KIAA1328: variants seen among roughly 807,000 people sequenced by gnomAD.
The protein encoded by KIAA1328 is protein hinderin.
Under a neutral mutation model 68.1 loss-of-function variants are expected in KIAA1328, and 52 were observed. That is an observed-to-expected ratio of 0.76 (90% CI 0.61 to 0.96). The LOEUF is 0.96. KIAA1328 is among the 40% of genes least tolerant of loss of function. The pLI, the probability that KIAA1328 is intolerant of heterozygous loss-of-function variation, is 0.00. For synonymous variants in KIAA1328, 232 were observed against 239.4 expected, an observed-to-expected ratio of 0.97 and a Z score of 0.28; for missense variants, 641 against 677.6, an observed-to-expected ratio of 0.95 and a Z score of 0.60.
At chr18:36,838,901 A>C (rs1311880021) in intron 3 of KIAA1328, among the ~76,000 whole-genome samples, 1 of 151,986 alleles carries the variant, frequency 6.6e-6, no homozygotes, top group Admixed American at 6.6e-5. Context: ...CACCCGGCTA[A>C]TTTTTGTATT....
At chr18:37,021,818 C>T (rs1201463682) in intron 6 of KIAA1328, among the ~76,000 whole-genome samples, 2 of 151,948 alleles carry the variant, frequency 1.3e-5, no homozygotes, top group Non-Finnish European at 1.5e-5. Flanking sequence ...GCAGATGGAT[C>T]ACGAGGTCAG....
At chr18:37,176,567 T>A (rs17652935) in intron 9 of KIAA1328, among the ~76,000 whole-genome samples, 20,740 of 152,170 alleles carry the variant, frequency 0.14, 1,763 homozygotes, top group Admixed American at 0.18. Context: ...CACAAGAGGG[T>A]GGTGAAGCTG....
chr18:37,090,084 T>A (rs1169010973), intron 7 of KIAA1328, among the ~76,000 whole-genome samples: 2 of 152,196 alleles, frequency 1.3e-5, no homozygotes. Context: ...CTGGGATTCT[T>A]CCCACAGACA....
At chr18:36,878,418 C>T (rs1180582201) in intron 4 of KIAA1328, among the ~76,000 whole-genome samples, 2 of 152,084 alleles carry the variant, frequency 1.3e-5, no homozygotes, top group Non-Finnish European at 2.9e-5. Flanking sequence ...GTGGGTAACC[C>T]GACCTTTCTC....
intron 5 of KIAA1328, among the ~76,000 whole-genome samples, chr18:36,913,479 TAC>T (rs10582262): frequency 0.12 from 10,494 of 91,236 alleles, 714 homozygotes; most frequent in African/African-American, 0.23. Context: ...ATTACAACCT[TAC>T]ACACACACAC....
chr18:37,196,023 T>C (rs914398411), intron 9 of KIAA1328, among the ~76,000 whole-genome samples: 1 of 152,120 alleles, frequency 6.6e-6, no homozygotes, highest in African/African-American at 2.4e-5. Flanking sequence ...CTTTTTTTGG[T>C]TAAATTTATT....
chr18:36,930,424 T>C (rs2050269696), intron 5 of KIAA1328, among the ~76,000 whole-genome samples: 1 of 152,146 alleles, frequency 6.6e-6, no homozygotes, highest in African/African-American at 2.4e-5. Flanking sequence ...GGAAGCAACA[T>C]TCTTTTGAGA....
At chr18:37,228,477 A>G (rs2060650465), downstream of KIAA1328, among the ~76,000 whole-genome samples, 1 of 152,178 alleles carries the variant, frequency 6.6e-6, no homozygotes, top group South Asian at 2.1e-4. Flanking sequence ...CACACTGATC[A>G]GTCAGTAGCC....
chr18:36,968,690 A>G (rs2052044726), intron 6 of KIAA1328, among the ~76,000 whole-genome samples: 1 of 152,194 alleles, frequency 6.6e-6, no homozygotes, highest in African/African-American at 2.4e-5. Flanking sequence ...TAATAGTGAG[A>G]TATTTCAACA....
At chr18:37,010,177 G>A (rs1047767755) in intron 6 of KIAA1328, among the ~76,000 whole-genome samples, 2 of 152,012 alleles carry the variant, frequency 1.3e-5, no homozygotes, top group Admixed American at 6.6e-5. Context: ...GGGCACAATG[G>A]CTCACCCCTG....
Position 37,224,273 on chromosome 18 carries a change from T to G in KIAA1328, c.*2046T>G. 4 of 985,442 alleles carry G rather than the reference T, an allele frequency of 4.1e-6. No homozygotes were observed. Among genetic ancestry groups the G allele is most frequent in the Non-Finnish European group, 4.8e-6 (4 of 829,932 alleles). 61.0% of individuals were successfully genotyped at this position (985,442 alleles called of 1,614,324 possible). A position where few individuals can be genotyped will look rare whatever the true frequency, so the allele number is the denominator to read the frequency against. ...GATCAAGAAAAGGATCACAGTTTCT[T>G]GAAGAAGCTTGTTTGCCTTTAGAAG... On this transcript the variant is annotated 3_prime_UTR_variant, in exon 10 of 10. Coordinates refer to ENST00000280020, the MANE Select transcript of KIAA1328 (RefSeq NM_020776.3).
chr18:37,028,500 C>T (rs1364718130), intron 6 of KIAA1328, among the ~76,000 whole-genome samples: 1 of 149,952 alleles, frequency 6.7e-6, no homozygotes, highest in Non-Finnish European at 1.5e-5. Context: ...TCCTCTCTTC[C>T]TGGTTAGATG....
intron 6 of KIAA1328, among the ~76,000 whole-genome samples, chr18:36,995,125 A>G (rs2053338483): frequency 6.6e-6 from 1 of 152,054 alleles, no homozygotes; most frequent in African/African-American, 2.4e-5. Flanking sequence ...ACCCGCTGAC[A>G]GGCCCCGGTG....
At chr18:37,032,640 G>GGTTT (rs773716346) in intron 6 of KIAA1328, among the ~76,000 whole-genome samples, 148 of 150,734 alleles carry the variant, frequency 9.8e-4, no homozygotes, top group Non-Finnish European at 1.6e-3. Context: ...TGGCTTTCAT[G>GGTTT]ATTTGTTTGT....
At chr18:36,838,341 A>G (rs899466889) in intron 3 of KIAA1328, among the ~76,000 whole-genome samples, 1 of 152,222 alleles carries the variant, frequency 6.6e-6, no homozygotes, top group Non-Finnish European at 1.5e-5. Context: ...AATTTTACAA[A>G]TGCAACAGAA....
chr18:37,164,071 ATTCTCTAAAATGGAAAGAAATT>A (rs1401916609), intron 8 of KIAA1328, among the ~76,000 whole-genome samples: 1 of 152,214 alleles, frequency 6.6e-6, no homozygotes, highest in Non-Finnish European at 1.5e-5. Flanking sequence ...TACATTTCCC[ATTCTCTAAAATGGAAAGAAATT>A]TCTCAAAACA....
intron 5 of KIAA1328, among the ~76,000 whole-genome samples, chr18:36,950,288 A>T (rs1283168874): frequency 6.6e-6 from 1 of 152,220 alleles, no homozygotes; most frequent in Admixed American, 6.5e-5. Flanking sequence ...TATTTTAAGC[A>T]TCTTCTTGGC....
chr18:37,151,945 G>A (rs1190935091), intron 7 of KIAA1328, among the ~76,000 whole-genome samples: 2 of 151,944 alleles, frequency 1.3e-5, no homozygotes, highest in Non-Finnish European at 2.9e-5. Flanking sequence ...GTATCTATGT[G>A]GAGTTTGGCC....
intron 6 of KIAA1328, among the ~76,000 whole-genome samples, chr18:37,021,982 G>A (rs539246834): frequency 6.6e-6 from 1 of 152,222 alleles, no homozygotes; most frequent in South Asian, 2.1e-4. Flanking sequence ...AGAGCTTGCA[G>A]TGAGCCGAGA....
Sources: gnomAD v4.1 joint callset for allele counts (sites outside exome capture counted in the v4.1 genomes callset) on GRCh38, gnomAD v4.1.1 for gene constraint, MANE v1.5 for transcripts, NCBI Gene and HGNC (gene_info 2026-07-23, HGNC 2026-07-21) for gene names.